Variants in PRR16 observed in about 807,000 individuals in gnomAD.
The protein encoded by PRR16 is proline rich 16, also known as protein Largen.
PRR16 carries 6 observed loss-of-function variants against 18.2 expected under a neutral mutation model. That is an observed-to-expected ratio of 0.33 (90% CI 0.18 to 0.65). The LOEUF (loss-of-function observed/expected upper bound fraction) is 0.65, where lower values mean the gene tolerates loss of function less well. Among genes scored for constraint, PRR16 ranks in the 30% least tolerant of loss-of-function variants. PRR16 has a pLI of 0.74. For synonymous variants in PRR16, 151 were observed against 147.8 expected (o/e 1.02, Z -0.16); for missense variants, 412 against 376.6 (o/e 1.09, Z -0.78).
the PRR16 span, among the ~76,000 whole-genome samples, chr5:120,727,296 G>T: frequency 1.3e-5 from 2 of 151,892 alleles, no homozygotes; most frequent in African/African-American, 4.8e-5. Flanking sequence ...TGGTTTTATG[G>T]CTTCAAGTCC....
At chr5:120,712,539 T>C in the PRR16 span, among the ~76,000 whole-genome samples, 2 of 152,158 alleles carry the variant, frequency 1.3e-5, no homozygotes, top group East Asian at 3.9e-4. Flanking sequence ...GGGAAAAATA[T>C]ATGTGAACTA....
intron 1 of PRR16, among the ~76,000 whole-genome samples, chr5:120,547,491 G>A (rs996819369): frequency 1.3e-5 from 2 of 151,964 alleles, no homozygotes; most frequent in South Asian, 4.1e-4. Flanking sequence ...TAAACTTAGA[G>A]CCTCTGTTTA....
the PRR16 span, among the ~76,000 whole-genome samples, chr5:120,713,566 T>C: frequency 6.6e-6 from 1 of 152,186 alleles, no homozygotes; most frequent in Non-Finnish European, 1.5e-5. Flanking sequence ...AGTTTTAATT[T>C]TAAAACTTGT....
rs140969968 is a variant in PRR16, at chr5:120,512,848, G to A, written c.159+48203G>A. Among the ~76,000 whole-genome samples, 904 of 152,238 alleles carry A rather than the reference G, an allele frequency of 5.9e-3. 12 individuals carry two copies. Among genetic ancestry groups the A allele is most frequent in the African/African-American group, 0.02 (816 of 41,538 alleles). ...ACACACTCAAGAGAGGAGCGCAGGC[G>A]TGTTCAAAAGAATAAGACAGCATGA... On this transcript the variant is annotated intron_variant, in intron 1 of 1. Coordinates refer to ENST00000407149, the MANE Select transcript of PRR16 (RefSeq NM_001300783.2).
chr5:120,698,302 G>A, the PRR16 span, among the ~76,000 whole-genome samples: 1 of 151,982 alleles, frequency 6.6e-6, no homozygotes, highest in Non-Finnish European at 1.5e-5. Context: ...ATACAGTTTT[G>A]TATGAATTGA....
chr5:120,489,577 G>T (rs1749947552), intron 1 of PRR16, among the ~76,000 whole-genome samples: 1 of 152,116 alleles, frequency 6.6e-6, no homozygotes, highest in African/African-American at 2.4e-5. Context: ...CCTGAATACA[G>T]CACACTGATG....
chr5:120,622,329 G>A (rs1272287116), intron 1 of PRR16, among the ~76,000 whole-genome samples: 3 of 151,996 alleles, frequency 2.0e-5, no homozygotes, highest in African/African-American at 4.8e-5. Context: ...AAACTTTAAA[G>A]AGATTACCAG....
At chr5:120,773,921 C>A in the PRR16 span, among the ~76,000 whole-genome samples, 1 of 152,156 alleles carries the variant, frequency 6.6e-6, no homozygotes, top group Non-Finnish European at 1.5e-5. Flanking sequence ...ATAAGCATCT[C>A]TATGTGTGGG....
chr5:120,765,004 CTGAGTGCTTTA>C, the PRR16 span, among the ~76,000 whole-genome samples: 14 of 151,972 alleles, frequency 9.2e-5, no homozygotes, highest in African/African-American at 3.4e-4. Context: ...AGCCTACCTC[CTGAGTGCTTTA>C]TTCTTCACCC....
the PRR16 span, among the ~76,000 whole-genome samples, chr5:120,771,236 G>A: frequency 6.6e-6 from 1 of 152,050 alleles, no homozygotes; most frequent in African/African-American, 2.4e-5. Flanking sequence ...CAAATAATGT[G>A]CTTTCTGGTT....
intron 1 of PRR16, among the ~76,000 whole-genome samples, chr5:120,649,151 T>C (rs1755692995): frequency 6.6e-6 from 1 of 152,138 alleles, no homozygotes; most frequent in African/African-American, 2.4e-5. Flanking sequence ...TGGAAGAAGA[T>C]ATAACTTAAG....
chr5:120,694,595 A>ACC, the PRR16 span, among the ~76,000 whole-genome samples: 5 of 151,650 alleles, frequency 3.3e-5, no homozygotes, highest in Non-Finnish European at 5.9e-5. Flanking sequence ...GAGGCAGGAG[A>ACC]ATGGCGTGAA....
At chr5:120,531,371 G>A (rs866647342) in intron 1 of PRR16, 3 of 152,066 alleles carry the variant, frequency 2.0e-5, no homozygotes, top group Non-Finnish European at 2.9e-5. Context: ...AGGATCGTTC[G>A]GGGAAGCTTG....
chr5:120,598,127 G>GTGAGAATT (rs577223821), intron 1 of PRR16, among the ~76,000 whole-genome samples: 5,346 of 151,904 alleles, frequency 0.035, 141 homozygotes, highest in Non-Finnish European at 0.052. Flanking sequence ...AGGTTACCTT[G>GTGAGAATT]TGAGAATTTT....
At chr5:120,705,334 C>G in the PRR16 span, among the ~76,000 whole-genome samples, 3 of 152,026 alleles carry the variant, frequency 2.0e-5, no homozygotes, top group East Asian at 3.8e-4. Context: ...ATGTTATATT[C>G]TTCATGATCT....
chr5:120,577,836 T>G (rs1753130395), intron 1 of PRR16, among the ~76,000 whole-genome samples: 1 of 152,196 alleles, frequency 6.6e-6, no homozygotes. Context: ...GGGATGGAGA[T>G]GCTACTAGTA....
intron 1 of PRR16, among the ~76,000 whole-genome samples, chr5:120,502,626 G>A (rs1750501805): frequency 6.6e-6 from 1 of 152,072 alleles, no homozygotes; most frequent in African/African-American, 2.4e-5. Context: ...AGAGGTCTTG[G>A]TTTAGATTCT....
the PRR16 span, among the ~76,000 whole-genome samples, chr5:120,718,891 C>T: frequency 6.6e-6 from 1 of 152,010 alleles, no homozygotes; most frequent in Non-Finnish European, 1.5e-5. Flanking sequence ...TACCACAATG[C>T]ATACCACTAA....
chr5:120,506,322 G>C lies in PRR16; in HGVS notation c.159+41677G>C, dbSNP rs143224818. 4.9e-3 allele frequency among the ~76,000 whole-genome samples: 749 copies of C among 151,466 alleles called. 11 individuals carry two copies. The highest frequency in any genetic ancestry group is 0.017 in the African/African-American group (712 of 41,296). On this transcript the variant is annotated intron_variant, in intron 1 of 1. Transcript: ENST00000407149. ...CAATTTTATTTTAGAATAAATTCTT[G>C]CATAACAATATTAAAATATATTGAA... is the stretch of plus-strand genomic sequence containing the variant.
Sources: gnomAD v4.1 joint callset for allele counts (sites outside exome capture counted in the v4.1 genomes callset) on GRCh38, gnomAD v4.1.1 for gene constraint, MANE v1.5 for transcripts, NCBI Gene and HGNC (gene_info 2026-07-23, HGNC 2026-07-21) for gene names.